The following EXOC4 variants were observed in gnomAD, a reference collection of about 807,000 sequenced individuals.
EXOC4 encodes SEC8-like 1.
EXOC4 carries 71 observed loss-of-function variants against 107.2 expected under a neutral mutation model. The ratio of observed to expected loss-of-function variants is 0.66; its 90% confidence interval spans 0.55 to 0.81. The LOEUF (loss-of-function observed/expected upper bound fraction) is 0.81. EXOC4 is among the 30% of genes least tolerant of loss of function. EXOC4 has a pLI of 0.00. For missense variants in EXOC4, 1,108 were observed against 1,189.6 expected (o/e 0.93, Z 1.01); for synonymous variants, 456 against 441.2 (o/e 1.03, Z -0.42).
intron 12 of EXOC4, among the ~76,000 whole-genome samples, chr7:133,913,340 T>C (rs982606804): frequency 1.2e-4 from 19 of 152,198 alleles, no homozygotes; most frequent in African/African-American, 4.6e-4. Flanking sequence ...TATAACATGA[T>C]TGGATGTGTA....
At chr7:133,364,880 C>T (rs574490762) in intron 6 of EXOC4, among the ~76,000 whole-genome samples, 38 of 152,252 alleles carry the variant, frequency 2.5e-4, no homozygotes, top group African/African-American at 6.0e-4. Context: ...AAAGCTTGTT[C>T]GTGGTGCAAT....
chr7:133,510,525 C>A (rs28655146), intron 9 of EXOC4, among the ~76,000 whole-genome samples: 1 of 152,156 alleles, frequency 6.6e-6, no homozygotes, highest in African/African-American at 2.4e-5. Flanking sequence ...TCTCTAAAAC[C>A]TGTGATTTTC....
At chr7:134,093,218 T>C in the EXOC4 span, among the ~76,000 whole-genome samples, 1 of 151,370 alleles carries the variant, frequency 6.6e-6, no homozygotes, top group Non-Finnish European at 1.5e-5. Context: ...AAGTAAAGGG[T>C]TGGGGAAAGA....
At chr7:133,855,042 T>TATATATCTAA (rs61152921) in intron 11 of EXOC4, among the ~76,000 whole-genome samples, 39,003 of 75,344 alleles carry the variant, frequency 0.52, 12,268 homozygotes, top group Admixed American at 0.65. Flanking sequence ...TCTAAATATA[T>TATATATCTAA]ATATATCTAA....
chr7:133,261,300 T>G (rs1379714944), intron 1 of EXOC4, among the ~76,000 whole-genome samples: 2 of 150,542 alleles, frequency 1.3e-5, no homozygotes, highest in Non-Finnish European at 3.0e-5. Flanking sequence ...AGAGTCTAGC[T>G]CTCTTGCCCA....
chr7:133,610,965 C>T (rs967129000), intron 9 of EXOC4, among the ~76,000 whole-genome samples: 3 of 148,010 alleles, frequency 2.0e-5, no homozygotes, highest in Admixed American at 6.9e-5. Flanking sequence ...GCATGCACCA[C>T]GATTCCTGGC....
Position 133,596,066 on chromosome 7 carries a change from C to T in EXOC4, c.1418-33979C>T, listed in dbSNP as rs574759767. On this transcript the variant is annotated intron_variant, in intron 9 of 17. Coordinates refer to ENST00000253861, the MANE Select transcript of EXOC4 (RefSeq NM_021807.4). ...TGTATGATGCTATTCACATGTTTTC[C>T]GCTTCCGCCCTTGTCTTCATATGCA... Among the ~76,000 whole-genome samples, 21 of 152,288 alleles carry T rather than the reference C, an allele frequency of 1.4e-4. No individual in the cohort carries two copies. In the South Asian group the frequency reaches 3.3e-3, roughly 24 times the overall value.
chr7:133,745,211 G>C (rs1310025472), intron 10 of EXOC4, among the ~76,000 whole-genome samples: 1 of 151,920 alleles, frequency 6.6e-6, no homozygotes, highest in African/African-American at 2.4e-5. Context: ...CCTATAGAAA[G>C]TTTGTGTGCC....
intron 14 of EXOC4, among the ~76,000 whole-genome samples, chr7:133,942,913 A>C (rs1157903130): frequency 6.6e-6 from 1 of 152,050 alleles, no homozygotes; most frequent in African/African-American, 2.4e-5. Flanking sequence ...GCCACTCTCT[A>C]TTTTTGTTTT....
chr7:133,461,408 C>T (rs906066861), intron 7 of EXOC4, among the ~76,000 whole-genome samples: 5 of 152,148 alleles, frequency 3.3e-5, no homozygotes, highest in Non-Finnish European at 5.9e-5. Flanking sequence ...TCTGAATTTG[C>T]AATTGTTATC....
At chr7:133,337,893 A>T (rs1241518645) in intron 5 of EXOC4, among the ~76,000 whole-genome samples, 2 of 151,704 alleles carry the variant, frequency 1.3e-5, no homozygotes, top group African/African-American at 4.8e-5. Flanking sequence ...TGGCTTCCCA[A>T]AGTGCTGGGT....
At chr7:133,514,259 G>A (rs1046872701) in intron 9 of EXOC4, among the ~76,000 whole-genome samples, 4 of 151,598 alleles carry the variant, frequency 2.6e-5, no homozygotes, top group Non-Finnish European at 5.9e-5. Flanking sequence ...CCACCTCCCC[G>A]GTTTAAGCGA....
intron 10 of EXOC4, among the ~76,000 whole-genome samples, chr7:133,694,629 A>T (rs1794493041): frequency 6.6e-6 from 1 of 152,132 alleles, no homozygotes; most frequent in Non-Finnish European, 1.5e-5. Context: ...CGTTCTTCTG[A>T]AATTTTGATA....
At chr7:133,785,003 G>A (rs2151177575) in intron 10 of EXOC4, among the ~76,000 whole-genome samples, 1 of 152,290 alleles carries the variant, frequency 6.6e-6, no homozygotes, top group East Asian at 1.9e-4. Flanking sequence ...GTTAATTAGA[G>A]CATGGTTTGC....
chr7:133,417,879 A>C (rs1347237192), intron 7 of EXOC4, among the ~76,000 whole-genome samples: 2 of 152,170 alleles, frequency 1.3e-5, no homozygotes, highest in Non-Finnish European at 2.9e-5. Context: ...AATTCTTTAT[A>C]GATTTCTAGT....
At chr7:133,887,876 G>A (rs1208408949) in intron 11 of EXOC4, among the ~76,000 whole-genome samples, 3 of 152,150 alleles carry the variant, frequency 2.0e-5, no homozygotes, top group South Asian at 2.1e-4. Flanking sequence ...GCGTAGGGAC[G>A]TGTAGCCAGG....
chr7:134,055,667 T>C (rs2116603671), intron 17 of EXOC4, among the ~76,000 whole-genome samples: 1 of 152,314 alleles, frequency 6.6e-6, no homozygotes, highest in East Asian at 1.9e-4. Flanking sequence ...GCAGAAGCAT[T>C]GTTTTTATCC....
At chr7:133,521,985 AG>A (rs1428967558) in intron 9 of EXOC4, among the ~76,000 whole-genome samples, 1 of 150,664 alleles carries the variant, frequency 6.6e-6, no homozygotes, top group Non-Finnish European at 1.5e-5. Flanking sequence ...GTGTGGATTC[AG>A]TTTTTTTTTT....
At chr7:133,654,087 C>A (rs997001124) in intron 10 of EXOC4, among the ~76,000 whole-genome samples, 1 of 152,118 alleles carries the variant, frequency 6.6e-6, no homozygotes, top group Admixed American at 6.6e-5. Context: ...AATAAGAAAT[C>A]GAGCAGTGCA....
Sources: allele counts gnomAD v4.1 joint callset (sites outside exome capture counted in the v4.1 genomes callset), GRCh38; gene constraint gnomAD v4.1.1; transcripts MANE v1.5; gene names NCBI Gene and HGNC (gene_info 2026-07-23, HGNC 2026-07-21).